Variants in PRKCA observed in about 807,000 individuals in gnomAD.
PRKCA encodes protein kinase C alpha type.
In PRKCA, 27 loss-of-function variants were observed where a neutral mutation model predicts 87.0. The ratio of observed to expected loss-of-function variants is 0.31; its 90% CI spans 0.23 to 0.43. The LOEUF is 0.43. PRKCA is among the 20% of genes least tolerant of loss of function. The pLI is 1.00. For synonymous variants in PRKCA, 329 were observed against 311.1 expected, an observed-to-expected ratio of 1.06 and a Z score of -0.61; for missense variants, 518 against 852.3, an observed-to-expected ratio of 0.61 and a Z score of 4.88.
chr17:66,640,123 G>C lies in PRKCA; in HGVS notation c.289-1232G>C, dbSNP rs190175412. Among the ~76,000 whole-genome samples, 8 of 152,268 alleles carry C rather than the reference G, an allele frequency of 5.3e-5. No homozygotes were observed. In the South Asian group the frequency reaches 1.5e-3, roughly 28 times the overall value. On this transcript the variant is annotated intron_variant, in intron 3 of 16. Transcript: ENST00000413366. ...GGCACTCTTCTAAGCATTTTACAAAGACTGACTCGTTTTGTCCTTATTTAT... is the reference window on the plus strand; with the variant it reads ...GGCACTCTTCTAAGCATTTTACAAACACTGACTCGTTTTGTCCTTATTTAT...
intron 2 of PRKCA, among the ~76,000 whole-genome samples, chr17:66,439,172 ACTTTT>A (rs1383086295): frequency 1.3e-5 from 2 of 149,404 alleles, no homozygotes; most frequent in East Asian, 4.0e-4. Flanking sequence ...ACTGTTACCC[ACTTTT>A]CTTTTCTTTC....
chr17:66,759,079 G>C (rs957222483), intron 13 of PRKCA, among the ~76,000 whole-genome samples: 2 of 152,116 alleles, frequency 1.3e-5, no homozygotes. Context: ...CTTGGGCTGG[G>C]CGTGGTGGCT....
At chr17:66,696,264 T>G (rs2144070788) in intron 8 of PRKCA, among the ~76,000 whole-genome samples, 1 of 152,352 alleles carries the variant, frequency 6.6e-6, no homozygotes, top group African/African-American at 2.4e-5. Context: ...CCCAGTTGTA[T>G]GACCTGGGAC....
intron 3 of PRKCA, among the ~76,000 whole-genome samples, chr17:66,553,248 C>T (rs1968396428): frequency 6.6e-6 from 1 of 152,122 alleles, no homozygotes. Context: ...TCCCAAAGTT[C>T]TGGGATTATA....
rs536018455 is a variant in PRKCA at position 66,787,122 on chromosome 17, G to A, written c.1713+148G>A. ...ATCGAGGGTTGGGGCTTGGTGTCAT[G>A]CCCCAAGATAACCAGCACCCCAACT... On this transcript the variant is annotated intron_variant, in intron 15 of 16. Coordinates refer to ENST00000413366, the MANE Select transcript of PRKCA (RefSeq NM_002737.3). The A allele has an allele frequency of 1.0e-4, 81 of 791,872 alleles. No individual in the cohort carries two copies. In the East Asian group the frequency reaches 1.6e-3, roughly 16 times the overall value. The allele number at this position is 791,872 out of a possible 1,614,324, so 49.1% of individuals were successfully genotyped here.
intron 8 of PRKCA, among the ~76,000 whole-genome samples, chr17:66,717,450 A>C (rs1482175382): frequency 6.6e-6 from 1 of 152,240 alleles, no homozygotes; most frequent in African/African-American, 2.4e-5. Context: ...TTCAGAGCTC[A>C]GGATGGAAAA....
intron 3 of PRKCA, among the ~76,000 whole-genome samples, chr17:66,591,977 G>A (rs928683204): frequency 6.6e-6 from 1 of 152,036 alleles, no homozygotes; most frequent in African/African-American, 2.4e-5. Flanking sequence ...CCTAGCTTTG[G>A]GGGTTTCTTG....
chr17:66,416,986 C>A, intron 2 of PRKCA: 1 of 154,176 alleles, frequency 6.5e-6, no homozygotes, highest in Non-Finnish European at 1.4e-5. Flanking sequence ...GCAACCTCCG[C>A]CTCCTGGGTT....
At chr17:66,372,078 A>G (rs1774043499) in intron 2 of PRKCA, among the ~76,000 whole-genome samples, 1 of 152,154 alleles carries the variant, frequency 6.6e-6, no homozygotes. Context: ...TGATATGAAG[A>G]TAGTACCTGC....
chr17:66,641,232 GCA>G (rs1352445365), intron 3 of PRKCA, 121 bp from the exon 4 acceptor site: 4 of 605,254 alleles, frequency 6.6e-6, no homozygotes, highest in African/African-American at 1.9e-5. Context: ...AGAGAATGAT[GCA>G]CAGTCTGGTG....
chr17:66,751,317 A>G lies in PRKCA; in HGVS notation c.1524+8557A>G, dbSNP rs141228426. 2.9e-3 allele frequency among the ~76,000 whole-genome samples: 443 copies of G among 152,272 alleles called. 2 individuals are homozygous for G. Among genetic ancestry groups the G allele is most frequent in the African/African-American group, 9.9e-3 (413 of 41,556 alleles). On this transcript the variant is annotated intron_variant, in intron 13 of 16. Coordinates refer to ENST00000413366, the MANE Select transcript of PRKCA (RefSeq NM_002737.3). The stretch of plus-strand genomic sequence containing the variant: ...ACACTGTAAAGGAGACTTGGAGAGG[A>G]GACGGGACCTGCTCAGGGCTCACAG...
intron 5 of PRKCA, among the ~76,000 whole-genome samples, chr17:66,649,650 C>G (rs1287230466): frequency 6.6e-6 from 1 of 152,126 alleles, no homozygotes; most frequent in East Asian, 1.9e-4. Flanking sequence ...TTAGAGTCTC[C>G]TTTGGAACAA....
chr17:66,468,870 C>G (rs535709549), intron 2 of PRKCA, among the ~76,000 whole-genome samples: 2 of 152,286 alleles, frequency 1.3e-5, no homozygotes, highest in African/African-American at 4.8e-5. Context: ...TTTTGCAATC[C>G]TCTCTATTTC....
chr17:66,581,715 T>C (rs1969440825), intron 3 of PRKCA, among the ~76,000 whole-genome samples: 1 of 152,228 alleles, frequency 6.6e-6, no homozygotes, highest in African/African-American at 2.4e-5. Flanking sequence ...AACCTCGTGA[T>C]CTGCCCGCCT....
At chr17:66,512,190 A>T (rs1917262286) in intron 3 of PRKCA, among the ~76,000 whole-genome samples, 1 of 152,110 alleles carries the variant, frequency 6.6e-6, no homozygotes, top group South Asian at 2.1e-4. Flanking sequence ...GTGTCACTCC[A>T]TCTGAACCCT....
chr17:66,770,576 C>G (rs904428144), intron 13 of PRKCA, among the ~76,000 whole-genome samples: 4 of 152,252 alleles, frequency 2.6e-5, no homozygotes, highest in Non-Finnish European at 4.4e-5. Context: ...GCAATGCCCC[C>G]TGACTGGCCC....
At chr17:66,460,108 G>A (rs73996206) in intron 2 of PRKCA, among the ~76,000 whole-genome samples, 7,535 of 152,250 alleles carry the variant, frequency 0.049, 622 homozygotes, top group African/African-American at 0.17. Flanking sequence ...ACAGAGTTGT[G>A]TTGTTTTTTT....
chr17:66,804,197 A>G lies in PRKCA; in HGVS notation c.*160A>G. 1 of 958,416 alleles carries G rather than the reference A, an allele frequency of 1.0e-6. No homozygotes were observed. The highest frequency in any genetic ancestry group is 2.0e-5 in the South Asian group (1 of 50,368). 59.4% of individuals were successfully genotyped at this position (958,416 alleles called of 1,614,324 possible). ...TTAGTCCAAATGTGATCAACTGTTCAGGGTCTCTCTCTTACAACCAAGAAC... is the reference window on the plus strand; with the variant it reads ...TTAGTCCAAATGTGATCAACTGTTCGGGGTCTCTCTCTTACAACCAAGAAC... On this transcript the variant is annotated 3_prime_UTR_variant, in exon 17 of 17. Coordinates refer to ENST00000413366, the MANE Select transcript of PRKCA (RefSeq NM_002737.3).
Position 66,420,168 on chromosome 17 carries a change from C to T in PRKCA, c.206-76033C>T, listed in dbSNP as rs148067754. Among the ~76,000 whole-genome samples the T allele has an allele frequency of 1.3e-3, 200 of 152,124 alleles. 1 individual carries two copies. The highest frequency in any genetic ancestry group is 4.6e-3 in the Admixed American group (70 of 15,292). ...CTGGGACTGCAGAAGTATGCCACCA[C>T]GCCCGGCTAATTTTGTATTTTTAGT... On this transcript the variant is annotated intron_variant, in intron 2 of 16. Transcript: ENST00000413366.
Sources: gnomAD v4.1 joint callset for allele counts (sites outside exome capture counted in the v4.1 genomes callset) on GRCh38, gnomAD v4.1.1 for gene constraint, MANE v1.5 for transcripts, NCBI Gene and HGNC (gene_info 2026-07-23, HGNC 2026-07-21) for gene names.